Variants in PDGFD observed in about 807,000 individuals in gnomAD.
PDGFD encodes platelet derived growth factor D, also known as platelet-derived growth factor D.
Under a neutral mutation model 44.7 loss-of-function variants are expected in PDGFD, and 30 were observed. The ratio of observed to expected loss-of-function variants is 0.67; its 90% CI spans 0.50 to 0.91. The LOEUF (loss-of-function observed/expected upper bound fraction) is 0.91, where lower values mean the gene tolerates loss of function less well. Among genes scored for constraint, PDGFD ranks in the 40% least tolerant of loss-of-function variants. PDGFD has a pLI of 0.00. For synonymous variants in PDGFD, 173 were observed against 168.4 expected (o/e 1.03, Z -0.21); for missense variants, 445 against 457.8 (o/e 0.97, Z 0.25).
chr11:103,943,290 G>A (rs997644932), intron 5 of PDGFD, among the ~76,000 whole-genome samples, 162 bp downstream of exon 5: 2 of 152,040 alleles, frequency 1.3e-5, no homozygotes, highest in Non-Finnish European at 2.9e-5. Flanking sequence ...TTTGGATTAG[G>A]GATACTGAGC....
chr11:103,949,789 A>G (rs10895548), intron 3 of PDGFD, among the ~76,000 whole-genome samples: 83,561 of 152,010 alleles, frequency 0.55, 25,570 homozygotes, highest in African/African-American at 0.84. Flanking sequence ...GAAGGTAGTA[A>G]TAGGTGGTTG....
chr11:103,955,294 A>G (rs532593925), intron 3 of PDGFD, among the ~76,000 whole-genome samples: 1 of 151,150 alleles, frequency 6.6e-6, no homozygotes, highest in African/African-American at 2.4e-5. Context: ...TTCATGACCC[A>G]CTGAGGGAAA....
At chr11:104,113,667 T>C (rs1861593106) in intron 1 of PDGFD, among the ~76,000 whole-genome samples, 1 of 151,938 alleles carries the variant, frequency 6.6e-6, no homozygotes, top group Non-Finnish European at 1.5e-5. Context: ...GATCATATGA[T>C]AAGAGTATGC....
intron 1 of PDGFD, among the ~76,000 whole-genome samples, chr11:104,131,913 T>G (rs776193096): frequency 6.7e-6 from 1 of 149,114 alleles, no homozygotes; most frequent in Non-Finnish European, 1.5e-5. Flanking sequence ...AAAGAAGAGA[T>G]AAAACTGACA....
chr11:104,004,637 A>G (rs1157440804), intron 1 of PDGFD, among the ~76,000 whole-genome samples: 4 of 152,156 alleles, frequency 2.6e-5, no homozygotes, highest in African/African-American at 9.7e-5. Context: ...GGGGAAAAAT[A>G]ACAATATTTC....
intron 4 of PDGFD, chr11:103,945,454 GTCTA>G (rs1412737091): frequency 1.3e-5 from 2 of 152,166 alleles, no homozygotes; most frequent in African/African-American, 4.8e-5. Context: ...ATAATCTACA[GTCTA>G]TCTGGCTAAC....
chr11:104,088,520 T>C (rs1330312819), intron 1 of PDGFD, among the ~76,000 whole-genome samples: 5 of 152,288 alleles, frequency 3.3e-5, no homozygotes. Context: ...AAAAGCTTCC[T>C]GGAATATAAG....
At chr11:103,925,199 T>C (rs1157695674) in intron 6 of PDGFD, among the ~76,000 whole-genome samples, 2 of 152,236 alleles carry the variant, frequency 1.3e-5, no homozygotes, top group Non-Finnish European at 2.9e-5. Context: ...TTATCCAGTC[T>C]ATCACTGATG....
chr11:103,984,800 T>C (rs189528928), intron 3 of PDGFD, among the ~76,000 whole-genome samples: 2 of 144,732 alleles, frequency 1.4e-5, no homozygotes, highest in East Asian at 3.9e-4. Context: ...AATAATTATA[T>C]TTAATATATT....
intron 1 of PDGFD, among the ~76,000 whole-genome samples, chr11:104,013,086 A>G (rs1859806952): frequency 6.6e-6 from 1 of 152,226 alleles, no homozygotes; most frequent in African/African-American, 2.4e-5. Context: ...GCAGAGCAGT[A>G]TGGCAGAGAA....
chr11:104,073,718 C>G (rs1376412005), intron 1 of PDGFD, among the ~76,000 whole-genome samples: 1 of 152,136 alleles, frequency 6.6e-6, no homozygotes, highest in Non-Finnish European at 1.5e-5. Flanking sequence ...ACACTTTTGG[C>G]TGAAATCATT....
At chr11:104,113,741 A>G (rs1402238010) in intron 1 of PDGFD, among the ~76,000 whole-genome samples, 3 of 152,060 alleles carry the variant, frequency 2.0e-5, no homozygotes, top group Non-Finnish European at 4.4e-5. Context: ...TACCAGCTAT[A>G]ATGAAAGTTC....
At chr11:103,914,060 T>A (rs1026789188) in intron 6 of PDGFD, among the ~76,000 whole-genome samples, 8 of 152,162 alleles carry the variant, frequency 5.3e-5, no homozygotes, top group African/African-American at 1.9e-4. Context: ...CCCTGAGCTT[T>A]ACACCACCCT....
At chr11:104,086,197 A>T (rs1861127393) in intron 1 of PDGFD, among the ~76,000 whole-genome samples, 1 of 152,158 alleles carries the variant, frequency 6.6e-6, no homozygotes, top group Admixed American at 6.6e-5. Context: ...ATCTTTAGTG[A>T]GTAGAGTCTA....
rs558818994 is a variant in PDGFD at position 103,954,174 on chromosome 11, T to C, written c.511-6450A>G. 4.6e-5 allele frequency among the ~76,000 whole-genome samples: 7 copies of C among 152,344 alleles called. No homozygotes were observed. The South Asian group carries it at 8.3e-4, about 18-fold the overall frequency. ...AACTTTCTTTTCAGATTCCTTACCA[T>C]TGGATATCTTGGGCCCATGCCAGAG... On this transcript the variant is annotated intron_variant, in intron 3 of 6. Transcript: ENST00000393158.
intron 3 of PDGFD, among the ~76,000 whole-genome samples, chr11:103,955,522 CA>C: frequency 6.6e-6 from 1 of 152,282 alleles, no homozygotes; most frequent in South Asian, 2.1e-4. Flanking sequence ...GTAGCCCAAC[CA>C]AAACTTAACA....
At chr11:103,915,529 T>C (rs147027771) in intron 6 of PDGFD, among the ~76,000 whole-genome samples, 1 of 152,172 alleles carries the variant, frequency 6.6e-6, no homozygotes, top group African/African-American at 2.4e-5. Flanking sequence ...AAGTAAATTA[T>C]AGATTCAGTG....
chr11:104,124,827 A>T (rs1861820583), intron 1 of PDGFD, among the ~76,000 whole-genome samples: 1 of 152,122 alleles, frequency 6.6e-6, no homozygotes, highest in South Asian at 2.1e-4. Flanking sequence ...AAGATAAAGA[A>T]ATTTAAAGAG....
At chr11:103,921,381 A>AC (rs1780714161) in intron 6 of PDGFD, among the ~76,000 whole-genome samples, 1 of 152,086 alleles carries the variant, frequency 6.6e-6, no homozygotes, top group East Asian at 1.9e-4. Flanking sequence ...AAATTTAGGT[A>AC]CTTTTTTTTC....
Sources: gnomAD v4.1 joint callset for allele counts (sites outside exome capture counted in the v4.1 genomes callset) on GRCh38, gnomAD v4.1.1 for gene constraint, MANE v1.5 for transcripts, NCBI Gene and HGNC (gene_info 2026-07-23, HGNC 2026-07-21) for gene names.